The following CALN1 variants were observed in gnomAD, a reference collection of about 807,000 sequenced individuals.
CALN1 encodes the protein calcium-binding protein 8.
Under a neutral mutation model 30.6 loss-of-function variants are expected in CALN1, and 17 were observed. The ratio of observed to expected loss-of-function variants is 0.56; its 90% CI spans 0.38 to 0.83. The LOEUF (loss-of-function observed/expected upper bound fraction) is 0.83. CALN1 is among the 40% of genes least tolerant of loss of function. The pLI is 0.00. For synonymous variants in CALN1, 156 were observed against 131.4 expected (o/e 1.19, Z -1.28); for missense variants, 291 against 354.9 (o/e 0.82, Z 1.45).
chr7:72,194,603 T>TTC (rs1337047279), intron 3 of CALN1, among the ~76,000 whole-genome samples: 4 of 149,596 alleles, frequency 2.7e-5, no homozygotes, highest in Non-Finnish European at 4.5e-5. Flanking sequence ...TTTTTTTTTT[T>TTC]TTTTTTTTTG....
At chr7:72,112,445 C>T (rs940354664) in intron 3 of CALN1, among the ~76,000 whole-genome samples, 1 of 151,958 alleles carries the variant, frequency 6.6e-6, no homozygotes, top group Non-Finnish European at 1.5e-5. Context: ...AAAGAAGATG[C>T]GTTGTGAGGC....
chr7:72,467,071 C>G, the CALN1 span, among the ~76,000 whole-genome samples: 1 of 152,048 alleles, frequency 6.6e-6, no homozygotes, highest in African/African-American at 2.4e-5. Context: ...TCCTCCATTA[C>G]CCCCAGAGAA....
At chr7:72,240,540 A>G (rs939868759) in intron 3 of CALN1, among the ~76,000 whole-genome samples, 4 of 152,158 alleles carry the variant, frequency 2.6e-5, no homozygotes, top group African/African-American at 9.7e-5. Flanking sequence ...ACAAACACAG[A>G]TCAACTTGTT....
chr7:72,461,561 A>C, the CALN1 span, among the ~76,000 whole-genome samples: 8 of 152,214 alleles, frequency 5.3e-5, no homozygotes, highest in Non-Finnish European at 1.0e-4. Context: ...AGAAACAAAC[A>C]ACCAAAAACA....
At chr7:72,147,722 G>T (rs1334246852) in intron 3 of CALN1, among the ~76,000 whole-genome samples, 1 of 151,946 alleles carries the variant, frequency 6.6e-6, no homozygotes. Flanking sequence ...TGATAGACTG[G>T]ATTAAGAAAA....
chr7:72,072,554 T>C (rs1340739215), intron 4 of CALN1, among the ~76,000 whole-genome samples: 1 of 152,214 alleles, frequency 6.6e-6, no homozygotes, highest in East Asian at 1.9e-4. Context: ...AGACAGTAAC[T>C]TGAAGCGATA....
chr7:72,010,751 T>A (rs1213261735), intron 5 of CALN1, among the ~76,000 whole-genome samples: 5 of 150,124 alleles, frequency 3.3e-5, no homozygotes, highest in Non-Finnish European at 7.4e-5. Flanking sequence ...AGGCGGAGAT[T>A]GCAGTGAGCC....
the CALN1 span, among the ~76,000 whole-genome samples, chr7:72,487,028 G>A: frequency 3.9e-5 from 6 of 152,056 alleles, no homozygotes; most frequent in South Asian, 1.0e-3. Flanking sequence ...TATAATCATC[G>A]TCGATGTGGA....
chr7:72,106,308 G>A lies in CALN1; in HGVS notation c.245-14C>T, dbSNP rs779989988. On this transcript the variant is annotated splice_polypyrimidine_tract_variant and intron_variant, in intron 3 of 6. Coordinates refer to ENST00000395275, the MANE Select transcript of CALN1 (RefSeq NM_031468.4). ...CCTCTCGGATTTCTACAATGGAAAA[G>A]CAAAGAAAGTCCAGTGGTCACATGG... 3.7e-6 allele frequency: 6 copies of A among 1,613,586 alleles called. No individual in the cohort carries two copies. Among genetic ancestry groups the A allele is most frequent in the Non-Finnish European group, 5.1e-6 (6 of 1,179,782 alleles).
chr7:71,849,015 T>C (rs1303930934), intron 5 of CALN1, among the ~76,000 whole-genome samples: 1 of 152,218 alleles, frequency 6.6e-6, no homozygotes, highest in Non-Finnish European at 1.5e-5. Flanking sequence ...ATGTGAGGGT[T>C]TTTAAATTTG....
At chr7:72,301,233 AG>A (rs1799239071) in intron 2 of CALN1, among the ~76,000 whole-genome samples, 1 of 152,148 alleles carries the variant, frequency 6.6e-6, no homozygotes, top group Admixed American at 6.5e-5. Flanking sequence ...GACTGGAGAC[AG>A]GGTGGACAGG....
chr7:72,012,084 T>C (rs17427800), intron 5 of CALN1, among the ~76,000 whole-genome samples: 19,843 of 152,204 alleles, frequency 0.13, 1,630 homozygotes, highest in Middle Eastern at 0.22. Context: ...AACAGAGATA[T>C]GAAACCAGTG....
intron 2 of CALN1, among the ~76,000 whole-genome samples, chr7:72,376,991 T>G (rs773302288): frequency 2.0e-5 from 3 of 152,222 alleles, no homozygotes; most frequent in African/African-American, 7.2e-5. Flanking sequence ...AAAAATCAAT[T>G]GACCAAAATG....
intron 5 of CALN1, among the ~76,000 whole-genome samples, chr7:71,911,894 G>A (rs769062662): frequency 2.0e-5 from 3 of 152,078 alleles, no homozygotes; most frequent in Non-Finnish European, 4.4e-5. Context: ...GTTTCCATCA[G>A]GAGCATGGGT....
At chr7:72,456,196 A>AAGAG in the CALN1 span, among the ~76,000 whole-genome samples, 3 of 150,022 alleles carry the variant, frequency 2.0e-5, no homozygotes, top group Admixed American at 6.6e-5. Context: ...AAAAAAAAAA[A>AAGAG]AGAGAGAGAG....
chr7:72,109,502 T>TA (rs1393286382), intron 3 of CALN1, among the ~76,000 whole-genome samples: 16 of 152,266 alleles, frequency 1.1e-4, no homozygotes, highest in African/African-American at 3.9e-4. Context: ...CCATCAATGG[T>TA]ATAGAAACAA....
At chr7:71,957,544 T>C (rs1329877446) in intron 5 of CALN1, among the ~76,000 whole-genome samples, 1 of 152,208 alleles carries the variant, frequency 6.6e-6, no homozygotes, top group African/African-American at 2.4e-5. Flanking sequence ...TACTGATCAC[T>C]GCAAACCTAA....
chr7:72,104,740 C>T (rs982906655), intron 4 of CALN1, among the ~76,000 whole-genome samples: 16 of 152,216 alleles, frequency 1.1e-4, no homozygotes, highest in African/African-American at 3.1e-4. Context: ...GGGCAGATCA[C>T]GAGATCAGGA....
chr7:72,417,528 C>T (rs1807461145), intron 1 of CALN1, among the ~76,000 whole-genome samples: 1 of 152,186 alleles, frequency 6.6e-6, no homozygotes, highest in Non-Finnish European at 1.5e-5. Flanking sequence ...TCTTGGTTAC[C>T]AGCCAGCATG....
Sources: gnomAD v4.1 joint callset for allele counts (sites outside exome capture counted in the v4.1 genomes callset) on GRCh38, gnomAD v4.1.1 for gene constraint, MANE v1.5 for transcripts, NCBI Gene and HGNC (gene_info 2026-07-23, HGNC 2026-07-21) for gene names.